PAN3: variants seen among roughly 807,000 people sequenced by gnomAD.
PAN3 encodes PAN2-PAN3 deadenylation complex subunit PAN3.
PAN3 carries 19 observed loss-of-function variants against 96.2 expected under a neutral mutation model. The observed-to-expected ratio is 0.20, with a 90% CI of 0.14 to 0.29. The LOEUF is 0.29. PAN3 is among the 10% of genes least tolerant of loss of function. The pLI is 1.00. For missense variants in PAN3, 882 were observed against 1,108.1 expected, an observed-to-expected ratio of 0.80 and a Z score of 2.90; for synonymous variants, 433 against 406.6, an observed-to-expected ratio of 1.06 and a Z score of -0.78.
At chr13:28,163,502 A>G (rs34133302) in intron 1 of PAN3, among the ~76,000 whole-genome samples, 8,732 of 152,260 alleles carry the variant, frequency 0.057, 488 homozygotes, top group East Asian at 0.32. Flanking sequence ...CCACAACCCT[A>G]TGAGTGAGAT....
intron 1 of PAN3, among the ~76,000 whole-genome samples, chr13:28,157,200 T>C (rs1872305221): frequency 6.6e-6 from 1 of 151,874 alleles, no homozygotes; most frequent in South Asian, 2.1e-4. Context: ...AAACCCTCAA[T>C]AAACTAGGCA....
At position 28,293,407 on chromosome 13, in the gene PAN3, TTTTTTTTTTGGGC is replaced by T. The variant is rs1870001474; in HGVS notation, c.*886_*898del. Reference sequence around the variant, plus strand: ...TGCTGGTTTTTTTTTTTTTTTTTTTTTTTTTTTTTGGGCGGGGGGGAGGTTTATGAAGTTTTGC... The same window carrying T: ...TGCTGGTTTTTTTTTTTTTTTTTTTTGGGGGGGAGGTTTATGAAGTTTTGC... On this transcript the variant is annotated 3_prime_UTR_variant, in exon 19 of 19. Coordinates refer to ENST00000380958, the MANE Select transcript of PAN3 (RefSeq NM_175854.8). 1 of 143,626 alleles carries T rather than the reference TTTTTTTTTTGGGC, an allele frequency of 7.0e-6. No individual in the cohort carries two copies. Among genetic ancestry groups the T allele is most frequent in the African/African-American group, 2.6e-5 (1 of 38,148 alleles). 8.9% of individuals were successfully genotyped at this position (143,626 alleles called of 1,614,324 possible). A position where few individuals can be genotyped will look rare whatever the true frequency, so the allele number is the denominator to read the frequency against.
chr13:28,239,228 G>A (rs1883418890), intron 6 of PAN3, among the ~76,000 whole-genome samples: 1 of 136,786 alleles, frequency 7.3e-6, no homozygotes, highest in South Asian at 2.3e-4. Flanking sequence ...CACACGGAAA[G>A]TAACCAACTT....
chr13:28,256,928 T>A (rs953171205), intron 7 of PAN3, among the ~76,000 whole-genome samples: 1 of 152,212 alleles, frequency 6.6e-6, no homozygotes, highest in Non-Finnish European at 1.5e-5. Flanking sequence ...CAGTAGTTAC[T>A]GGAAGCAAAT....
chr13:28,230,576 G>GA (rs1882440354), intron 6 of PAN3, among the ~76,000 whole-genome samples: 1 of 152,046 alleles, frequency 6.6e-6, no homozygotes, highest in African/African-American at 2.4e-5. Context: ...GAAAATAAGA[G>GA]AAAACAACTA....
intron 5 of PAN3, among the ~76,000 whole-genome samples, chr13:28,210,811 A>G (rs372809240): frequency 1.2e-4 from 18 of 152,226 alleles, no homozygotes; most frequent in African/African-American, 3.9e-4. Context: ...ACTCCTTTCC[A>G]TCTCCCTCTG....
rs1453524885 is a variant in PAN3, at chr13:28,294,004, CAG to C, written c.*1486_*1487del. On this transcript the variant is annotated 3_prime_UTR_variant, in exon 19 of 19. Transcript: ENST00000380958. ...AATAATTACACATATTTGTATATTT[CAG>C]AGAAGTTTTTAATATTTCTCTGTCC... 2 of 152,570 alleles carry C rather than the reference CAG, an allele frequency of 1.3e-5. No homozygotes were observed. The highest frequency in any genetic ancestry group is 2.9e-5 in the Non-Finnish European group (2 of 68,016). The allele number at this position is 152,570 out of a possible 1,614,324, so 9.5% of individuals were successfully genotyped here.
chr13:28,200,117 CA>C (rs1291356778), intron 5 of PAN3, among the ~76,000 whole-genome samples: 1 of 152,144 alleles, frequency 6.6e-6, no homozygotes, highest in Non-Finnish European at 1.5e-5. Flanking sequence ...TTGTCAGACT[CA>C]AAATCTCTTT....
intron 1 of PAN3, among the ~76,000 whole-genome samples, chr13:28,164,884 C>G (rs1308508109): frequency 6.6e-6 from 1 of 152,118 alleles, no homozygotes; most frequent in Non-Finnish European, 1.5e-5. Context: ...TGTTAATAGT[C>G]ATGGGGTAAC....
intron 5 of PAN3, among the ~76,000 whole-genome samples, chr13:28,214,222 AT>A (rs1214987448): frequency 6.6e-6 from 1 of 152,230 alleles, no homozygotes; most frequent in Non-Finnish European, 1.5e-5. Context: ...TGAAATGTGT[AT>A]TTGTTTACAA....
Sources: allele counts gnomAD v4.1 joint callset (sites outside exome capture counted in the v4.1 genomes callset), GRCh38; gene constraint gnomAD v4.1.1; transcripts MANE v1.5; gene names NCBI Gene and HGNC (gene_info 2026-07-23, HGNC 2026-07-21).